The following CAMTA1 variants were observed in gnomAD, a reference collection of about 807,000 sequenced individuals.
CAMTA1 encodes the protein calmodulin-binding transcription activator 1.
Under a neutral mutation model 170.9 loss-of-function variants are expected in CAMTA1, and 27 were observed. That is an observed-to-expected ratio of 0.16 (90% confidence interval 0.12 to 0.22). The LOEUF is 0.22. CAMTA1 is among the 10% of genes least tolerant of loss of function. The pLI, the probability that CAMTA1 is intolerant of heterozygous loss-of-function variation, is 1.00. For synonymous variants in CAMTA1, 833 were observed against 891.5 expected, an observed-to-expected ratio of 0.93 and a Z score of 1.17; for missense variants, 1,619 against 2,217.2, an observed-to-expected ratio of 0.73 and a Z score of 5.42.
intron 6 of CAMTA1, among the ~76,000 whole-genome samples, chr1:7,625,879 G>C (rs566832170): frequency 6.6e-6 from 1 of 152,328 alleles, no homozygotes; most frequent in Admixed American, 6.5e-5. Context: ...TAGTATAGCA[G>C]GTCCCGTTAT....
At position 7,745,013 on chromosome 1, in the gene CAMTA1, C is replaced by G. The variant is rs2096846844; in HGVS notation, c.4361C>G (p.Ala1454Gly). ...GATGCTGACTGCCTTCCCAGTGCTG[C>G]CCAGATCCGGTGAGTAAAGTTACGG... ...LADADCLPSA[A>G]QIRSAYNEPL... Residue 1454 changes from alanine to glycine, a missense_variant, in exon 17 of 23, where the codon GCC (alanine) becomes GGC (glycine). Physicochemically the swap from Ala to Gly is moderately conservative, Grantham distance 60 (BLOSUM62 0). This residue lies in a region of CAMTA1 where 370 missense variants were observed against 429.4 expected (regional missense o/e 0.86). Coordinates refer to ENST00000303635, the MANE Select transcript of CAMTA1 (RefSeq NM_015215.4). The G allele has an allele frequency of 3.1e-6, 5 of 1,611,902 alleles. No homozygotes were observed. The African/African-American group carries it at 5.3e-5, about 17-fold the overall frequency.
chr1:7,546,112 C>T (rs1011676247), intron 6 of CAMTA1, among the ~76,000 whole-genome samples: 9 of 152,114 alleles, frequency 5.9e-5, no homozygotes, highest in East Asian at 1.9e-4. Context: ...CCTGCCACCA[C>T]GCCTGGCTAA....
intron 6 of CAMTA1, among the ~76,000 whole-genome samples, chr1:7,618,108 T>G (rs1206275484): frequency 1.3e-5 from 2 of 152,312 alleles, no homozygotes; most frequent in African/African-American, 4.8e-5. Flanking sequence ...TCATCATACC[T>G]TCATCCCATG....
intron 4 of CAMTA1, among the ~76,000 whole-genome samples, chr1:7,197,032 G>A (rs1024443921): frequency 3.3e-5 from 5 of 152,162 alleles, no homozygotes; most frequent in African/African-American, 1.2e-4. Context: ...AATTTTTAAT[G>A]CATATATATT....
chr1:7,418,135 T>G (rs2091319895), intron 5 of CAMTA1, among the ~76,000 whole-genome samples: 1 of 152,156 alleles, frequency 6.6e-6, no homozygotes, highest in African/African-American at 2.4e-5. Flanking sequence ...TCAGGATCTT[T>G]TCTCCCCGCT....
At chr1:6,819,894 C>T (rs1291832857) in intron 1 of CAMTA1, among the ~76,000 whole-genome samples, 1 of 152,188 alleles carries the variant, frequency 6.6e-6, no homozygotes, top group East Asian at 1.9e-4. Context: ...CCAGTTGATC[C>T]AGCAATGGCC....
At chr1:7,495,224 A>G (rs1326859741) in intron 6 of CAMTA1, among the ~76,000 whole-genome samples, 1 of 152,188 alleles carries the variant, frequency 6.6e-6, no homozygotes, top group Non-Finnish European at 1.5e-5. Flanking sequence ...GAAGATCTGG[A>G]GAGTTTCGGG....
Position 7,432,123 on chromosome 1 carries a change from C to A in CAMTA1, c.439-35707C>A, listed in dbSNP as rs149089395. 3.8e-3 allele frequency among the ~76,000 whole-genome samples: 575 copies of A among 152,284 alleles called. 4 individuals carry two copies. The highest frequency in any genetic ancestry group is 6.3e-3 in the Non-Finnish European group (428 of 68,022). On this transcript the variant is annotated intron_variant, in intron 5 of 22. Transcript: ENST00000303635. ...GTGGACTAGAAACAAGGCTGACCAG[C>A]GCAGAGCCCAGGGGCCCTGGGAAGA...
intron 6 of CAMTA1, among the ~76,000 whole-genome samples, chr1:7,506,248 G>A (rs1264550781): frequency 1.3e-5 from 2 of 152,116 alleles, no homozygotes; most frequent in East Asian, 1.9e-4. Flanking sequence ...AGGAGAGCAG[G>A]GGTGGGACTG....
In CAMTA1 at chr1:7,673,624, A is replaced by G. The variant is rs2096081141; in HGVS notation, c.2779+2587A>G. ...TATGAGCCATAATGTGTCTCGGACC[A>G]AGGGACCAGGAGCCACAAGGCTCAA... is the stretch of plus-strand genomic sequence containing the variant. On this transcript the variant is annotated intron_variant, in intron 10 of 22. Transcript: ENST00000303635. This position sits in a 1 kb window ranked among gnomAD's most constrained non-coding sequence, Gnocchi z 4.6. 6.6e-6 allele frequency among the ~76,000 whole-genome samples: 1 copy of G among 152,156 alleles called. No homozygotes were observed. Among genetic ancestry groups the G allele is most frequent in the African/African-American group, 2.4e-5 (1 of 41,420 alleles).
chr1:7,287,343 C>T (rs1672491444), intron 5 of CAMTA1, among the ~76,000 whole-genome samples: 1 of 152,164 alleles, frequency 6.6e-6, no homozygotes, highest in South Asian at 2.1e-4. Flanking sequence ...ATGTCATCTC[C>T]CTGTGATGGT....
chr1:7,086,534 A>G (rs902470716), intron 3 of CAMTA1, among the ~76,000 whole-genome samples: 1 of 152,268 alleles, frequency 6.6e-6, no homozygotes, highest in African/African-American at 2.4e-5. Context: ...ATCACCCCAG[A>G]AGGAAACCCG....
At chr1:7,693,093 C>T (rs925287032) in intron 11 of CAMTA1, 5 of 152,254 alleles carry the variant, frequency 3.3e-5, no homozygotes, top group African/African-American at 7.2e-5. Context: ...GTTTTCACAC[C>T]GCTGATAAAG....
intron 4 of CAMTA1, among the ~76,000 whole-genome samples, chr1:7,215,005 C>A (rs1166177863): frequency 1.3e-5 from 2 of 151,932 alleles, no homozygotes; most frequent in Admixed American, 1.3e-4. Flanking sequence ...TTTCTGGGTT[C>A]TCTATTCTAT....
rs1006322565 is a variant in CAMTA1, at chr1:7,680,671, C to T, written c.2914+2938C>T. ...GGTGGGCGGCGAGCCCTGGCTCCCT[C>T]GTTCGGTGGCCTCTGCTGCATGTGG... is the stretch of plus-strand genomic sequence containing the variant. On this transcript the variant is annotated intron_variant, in intron 11 of 22. Transcript: ENST00000303635. The surrounding 1 kb of genome is among the most constrained non-coding windows in gnomAD (Gnocchi z 4.4). Among the ~76,000 whole-genome samples the T allele has an allele frequency of 1.3e-5, 2 of 152,044 alleles. No individual in the cohort carries two copies. The highest frequency in any genetic ancestry group is 2.9e-5 in the Non-Finnish European group (2 of 67,984).
intron 4 of CAMTA1, among the ~76,000 whole-genome samples, chr1:7,203,827 TTTTC>T (rs1189952134): frequency 6.6e-6 from 1 of 151,632 alleles, no homozygotes; most frequent in Non-Finnish European, 1.5e-5. Flanking sequence ...TTTTCTTTAC[TTTTC>T]TTTCTTTTTT....
chr1:6,882,764 A>G (rs951053089), intron 3 of CAMTA1, among the ~76,000 whole-genome samples: 1 of 152,030 alleles, frequency 6.6e-6, no homozygotes, highest in Non-Finnish European at 1.5e-5. Flanking sequence ...GACTGGATGA[A>G]ATTTTTTAGG....
At chr1:7,170,852 C>A (rs1450609649) in intron 4 of CAMTA1, among the ~76,000 whole-genome samples, 1 of 152,092 alleles carries the variant, frequency 6.6e-6, no homozygotes, top group Admixed American at 6.5e-5. Context: ...GTTATTTGGA[C>A]AATATGATGC....
intron 4 of CAMTA1, among the ~76,000 whole-genome samples, chr1:7,104,811 T>C (rs1000124966): frequency 1.3e-5 from 2 of 152,164 alleles, no homozygotes; most frequent in Non-Finnish European, 2.9e-5. Flanking sequence ...AAAACTGTTA[T>C]TGATGATGAT....
Sources: gnomAD v4.1 joint callset for allele counts (sites outside exome capture counted in the v4.1 genomes callset) on GRCh38, gnomAD v4.1.1 for gene constraint, gnomAD v4.1.1 regional missense constraint, Gnocchi (gnomAD v3.1) non-coding constraint, MANE v1.5 for transcripts, NCBI Gene and HGNC (gene_info 2026-07-23, HGNC 2026-07-21) for gene names.